Variants in GMFG observed in about 807,000 individuals in gnomAD.
GMFG encodes the protein glia maturation factor gamma.
Under a neutral mutation model 26.1 loss-of-function variants are expected in GMFG, and 21 were observed. That is an observed-to-expected ratio of 0.80 (90% CI 0.57 to 1.16). The LOEUF (loss-of-function observed/expected upper bound fraction) is 1.16, where lower values mean the gene tolerates loss of function less well. Among genes scored for constraint, GMFG ranks in the 50% most tolerant of loss-of-function variants. The pLI is 0.00. For synonymous variants in GMFG, 65 were observed against 60.8 expected (o/e 1.07, Z -0.32); for missense variants, 161 against 178.3 (o/e 0.90, Z 0.55).
Position 39,335,558 on chromosome 19 carries a change from A to G in GMFG, c.4-27T>C, listed in dbSNP as rs369554846. On this transcript the variant is annotated intron_variant, in intron 1 of 6. Transcript: ENST00000597595. ...TGCCGGAGGGACCCAGGAAGAGCTG[A>G]AATGGCCTGGCCTCAGCCCTCACCC... The G allele has an allele frequency of 4.0e-6, 6 of 1,496,104 alleles. No homozygotes were observed. The African/African-American group carries it at 8.3e-5, about 21-fold the overall frequency. The allele number at this position is 1,496,104 out of a possible 1,614,324, so 92.7% of individuals were successfully genotyped here. A position where few individuals can be genotyped will look rare whatever the true frequency, so the allele number is the denominator to read the frequency against.
intron 1 of GMFG, among the ~76,000 whole-genome samples, 180 bp downstream of exon 1, chr19:39,335,794 T>C (rs536261754): frequency 2.7e-4 from 41 of 152,128 alleles, no homozygotes; most frequent in African/African-American, 7.0e-4. Flanking sequence ...GAGATCCACT[T>C]CCTGAGCCTA....
chr19:39,331,065 C>T (rs756702311), intron 4 of GMFG, among the ~76,000 whole-genome samples: 2 of 152,144 alleles, frequency 1.3e-5, no homozygotes, highest in African/African-American at 4.8e-5. Context: ...TATTTAAAGT[C>T]GTGCTCCCTC....
rs560132092 is a variant in GMFG at position 39,336,038 on chromosome 19, G to A, written c.-62C>T. 2.2e-5 allele frequency: 28 copies of A among 1,293,670 alleles called. No individual in the cohort carries two copies. Among genetic ancestry groups the A allele is most frequent in the South Asian group, 3.6e-5 (3 of 84,316 alleles). The allele number at this position is 1,293,670 out of a possible 1,614,324, so 80.1% of individuals were successfully genotyped here. On this transcript the variant is annotated 5_prime_UTR_variant, in exon 1 of 7. Transcript: ENST00000597595. ...CCGCTGTCTTCTAGGCGTGGGGACC[G>A]GGGCTGTAGGGGGGCGGGCTGTGCA...
chr19:39,334,977 G>A (rs904495416), intron 3 of GMFG, among the ~76,000 whole-genome samples: 1 of 151,908 alleles, frequency 6.6e-6, no homozygotes, highest in Non-Finnish European at 1.5e-5. Flanking sequence ...GGCCTCCCAA[G>A]TAGCTGTGAT....
chr19:39,335,465 G>A lies in GMFG; in HGVS notation c.70C>T (p.Arg24Ter), dbSNP rs189609402. 8.1e-5 allele frequency: 131 copies of A among 1,613,622 alleles called. No homozygotes were observed. In the South Asian group the frequency reaches 1.0e-3, roughly 13 times the overall value. Residue 24 changes from arginine (R) to a stop codon, truncating the protein, a stop_gained, in exon 2 of 7, where the codon CGA (arginine) becomes TGA (stop). Coordinates refer to ENST00000597595, the MANE Select transcript of GMFG (RefSeq NM_004877.4). LOFTEE classifies it high-confidence loss of function. ...ATGGCTGCATTGTCTGTCTCTTTTCGGAAGCGGAATTTCCTCAGCTTTTCT... is the reference window on the plus strand; with the variant it reads ...ATGGCTGCATTGTCTGTCTCTTTTCAGAAGCGGAATTTCCTCAGCTTTTCT... ...LTEKLRKFRF[R>*]KETDNAAIIM...
chr19:39,335,678 C>A (rs2075246730), intron 1 of GMFG, 147 bp from the exon 2 acceptor site: 1 of 677,804 alleles, frequency 1.5e-6, no homozygotes. Flanking sequence ...GCACCCTTCC[C>A]ACAGAGTAGA....
chr19:39,335,632 C>A, intron 1 of GMFG, 101 bp from the exon 2 acceptor site: 1 of 844,888 alleles, frequency 1.2e-6, no homozygotes, highest in Non-Finnish European at 2.0e-6. Flanking sequence ...AGCATCGCGC[C>A]GGCCCATCTG....
Position 39,333,092 on chromosome 19 carries a change from G to A in GMFG, c.185C>T (p.Pro62Leu), listed in dbSNP as rs150080208. 222 of 1,600,112 alleles carry A rather than the reference G, an allele frequency of 1.4e-4. No individual in the cohort carries two copies. The highest frequency in any genetic ancestry group is 1.6e-4 in the Non-Finnish European group (193 of 1,170,620). ...ISPEELKMEL[P>L]ERQPRFVVYS... ...CCCAGGATACCTGGGCTGTCTCTCC[G>A]GCAACTCCATTTTGAGCTCCTCTGG... Residue 62 changes from proline (P) to leucine (L), a missense_variant, in exon 4 of 7, where the codon CCG (proline) becomes CTG (leucine). Coordinates refer to ENST00000597595, the MANE Select transcript of GMFG (RefSeq NM_004877.4).
In GMFG at chr19:39,335,537, G is replaced by A. The variant is rs201685815; in HGVS notation, c.4-6C>T. On this transcript the variant is annotated splice_region_variant and splice_polypyrimidine_tract_variant and intron_variant, in intron 1 of 6. Coordinates refer to ENST00000597595, the MANE Select transcript of GMFG (RefSeq NM_004877.4). The stretch of plus-strand genomic sequence containing the variant: ...CACACCACCAGGGAGTCAGACTGCC[G>A]GAGGGACCCAGGAAGAGCTGAAATG... 63 of 1,602,202 alleles carry A rather than the reference G, an allele frequency of 3.9e-5. No homozygotes were observed. The Middle Eastern group carries it at 5.0e-4, about 13-fold the overall frequency.
intron 3 of GMFG, among the ~76,000 whole-genome samples, chr19:39,334,661 T>C (rs1204956976): frequency 6.6e-6 from 1 of 152,160 alleles, no homozygotes; most frequent in East Asian, 1.9e-4. Flanking sequence ...ATTGAGCACA[T>C]ACTAAGTGCC....
In GMFG at chr19:39,335,958, AC is replaced by A. The variant is rs1568334726; in HGVS notation, c.3+15del. 8 of 1,570,670 alleles carry A rather than the reference AC, an allele frequency of 5.1e-6. 1 individual carries two copies. Among genetic ancestry groups the A allele is most frequent in the Admixed American group, 1.7e-5 (1 of 59,852 alleles). ...CCCCAGCCCCAGCTCTTCCCATAGA[AC>A]CCCTGGCCCCTGACCATGATTGTTC... On this transcript the variant is annotated intron_variant, in intron 1 of 6. Coordinates refer to ENST00000597595, the MANE Select transcript of GMFG (RefSeq NM_004877.4).
intron 3 of GMFG, among the ~76,000 whole-genome samples, chr19:39,334,639 C>T (rs2075241535): frequency 6.6e-6 from 1 of 152,116 alleles, no homozygotes; most frequent in African/African-American, 2.4e-5. Context: ...TTATTAAGAT[C>T]ATCATCACCT....
chr19:39,329,720 G>A (rs1379267583), intron 4 of GMFG, 94 bp from the exon 5 acceptor site: 2 of 788,374 alleles, frequency 2.5e-6, no homozygotes, highest in African/African-American at 3.4e-5. Context: ...TGTTGGCTGA[G>A]TCTGAGAACC....
Position 39,335,320 on chromosome 19 carries a change from G to A in GMFG, c.101-10C>T. 1.3e-6 allele frequency: 2 copies of A among 1,581,904 alleles called. No homozygotes were observed. The highest frequency in any genetic ancestry group is 2.2e-5 in the East Asian group (1 of 44,636). Reference sequence around the variant, plus strand: ...TCTTTGTCCACCTTCACTGGGGAGGGGTGGCACACAGGGATTAGACACTCC... The same window carrying A: ...TCTTTGTCCACCTTCACTGGGGAGGAGTGGCACACAGGGATTAGACACTCC... On this transcript the variant is annotated splice_polypyrimidine_tract_variant and intron_variant, in intron 2 of 6. Transcript: ENST00000597595.
At chr19:39,330,541 A>G (rs34605107) in intron 4 of GMFG, among the ~76,000 whole-genome samples, 28,638 of 149,932 alleles carry the variant, frequency 0.19, 3,959 homozygotes, top group African/African-American at 0.39. Flanking sequence ...CAATCCTCCT[A>G]TCTCAGCCTC....
chr19:39,328,814 G>T, intron 6 of GMFG, 186 bp downstream of exon 6: 1 of 624,132 alleles, frequency 1.6e-6, no homozygotes, highest in South Asian at 1.9e-5. Context: ...GGAGGAGGAG[G>T]TTGCAGTGAG....
intron 2 of GMFG, 31 bp from the exon 3 acceptor site, chr19:39,335,341 A>C: frequency 6.3e-7 from 1 of 1,593,896 alleles, no homozygotes; most frequent in Non-Finnish European, 8.6e-7. Context: ...GGGATTAGAC[A>C]CTCCCCCTGA....
rs953812567 is a variant in GMFG, at chr19:39,332,996, C to T, written c.200+81G>A. On this transcript the variant is annotated intron_variant, in intron 4 of 6. Coordinates refer to ENST00000597595, the MANE Select transcript of GMFG (RefSeq NM_004877.4). ...TCAAAGTCCATGAATAGGGCTGGAA[C>T]TCCAGCAGTCCCTTAGCCTATACCT... 5 of 918,978 alleles carry T rather than the reference C, an allele frequency of 5.4e-6. No homozygotes were observed. The African/African-American group carries it at 8.3e-5, about 15-fold the overall frequency. The allele number at this position is 918,978 out of a possible 1,614,324, so 56.9% of individuals were successfully genotyped here.
chr19:39,331,920 G>A (rs1331946531), intron 4 of GMFG, among the ~76,000 whole-genome samples: 2 of 151,928 alleles, frequency 1.3e-5, no homozygotes, highest in Non-Finnish European at 2.9e-5. Flanking sequence ...GGAGTACAGG[G>A]GTGCTATCTT....
Sources: allele counts gnomAD v4.1 joint callset (sites outside exome capture counted in the v4.1 genomes callset), GRCh38; gene constraint gnomAD v4.1.1; transcripts MANE v1.5; gene names NCBI Gene and HGNC (gene_info 2026-07-23, HGNC 2026-07-21).